Variants in ZMYND8 observed in about 807,000 individuals in gnomAD.
ZMYND8 encodes the protein MYND-type zinc finger-containing chromatin reader ZMYND8.
In ZMYND8, 37 loss-of-function variants were observed where a neutral mutation model predicts 140.8. That is an observed-to-expected ratio of 0.26 (90% confidence interval 0.20 to 0.35). ZMYND8 has a LOEUF of 0.35. ZMYND8 is among the 10% of genes least tolerant of loss of function. ZMYND8 has a pLI of 1.00. For synonymous variants in ZMYND8, 592 were observed against 597.1 expected, an observed-to-expected ratio of 0.99 and a Z score of 0.12; for missense variants, 1,068 against 1,570.0, an observed-to-expected ratio of 0.68 and a Z score of 5.40.
chr20:47,333,948 G>T (rs1376477727), intron 2 of ZMYND8, among the ~76,000 whole-genome samples: 1 of 151,340 alleles, frequency 6.6e-6, no homozygotes, highest in Non-Finnish European at 1.5e-5. Context: ...AAGGGAAGGA[G>T]GGAGGAATGA....
chr20:47,309,842 C>T (rs1444609685), intron 3 of ZMYND8, among the ~76,000 whole-genome samples: 1 of 152,102 alleles, frequency 6.6e-6, no homozygotes, highest in East Asian at 1.9e-4. Context: ...CATCTGGGTC[C>T]CTGCTCTGTC....
chr20:47,252,849 G>A (rs1026161770), intron 12 of ZMYND8, among the ~76,000 whole-genome samples: 2 of 152,156 alleles, frequency 1.3e-5, no homozygotes, highest in African/African-American at 4.8e-5. Flanking sequence ...AGCCCAGGAG[G>A]CAGAGGTTGC....
chr20:47,344,316 G>A (rs1318939065), intron 2 of ZMYND8, among the ~76,000 whole-genome samples: 1 of 152,110 alleles, frequency 6.6e-6, no homozygotes, highest in African/African-American at 2.4e-5. Flanking sequence ...TACCCTTGAT[G>A]TGATATGATG....
chr20:47,259,975 A>G (rs1021167764), intron 12 of ZMYND8, among the ~76,000 whole-genome samples: 2 of 152,094 alleles, frequency 1.3e-5, no homozygotes, highest in Non-Finnish European at 2.9e-5. Context: ...CAGCTGCCCT[A>G]TTGACCTCTC....
At chr20:47,218,390 C>T (rs1249280660) in intron 21 of ZMYND8, among the ~76,000 whole-genome samples, 2 of 152,328 alleles carry the variant, frequency 1.3e-5, no homozygotes, top group East Asian at 3.9e-4. Context: ...CCACTTGTGC[C>T]ATTTCGACAC....
intron 2 of ZMYND8, 83 bp from the exon 3 acceptor site, chr20:47,310,287 G>A: frequency 2.7e-6 from 4 of 1,499,552 alleles, no homozygotes; most frequent in Non-Finnish European, 3.6e-6. Context: ...GGAACCAAGT[G>A]TGGGAACAGA....
At chr20:47,346,323 G>A (rs768252196) in intron 2 of ZMYND8, among the ~76,000 whole-genome samples, 5 of 152,160 alleles carry the variant, frequency 3.3e-5, no homozygotes, top group African/African-American at 9.7e-5. Flanking sequence ...TACCTTCCTT[G>A]CTCTGAAGTC....
intron 14 of ZMYND8, among the ~76,000 whole-genome samples, chr20:47,243,429 T>C (rs1367350278): frequency 6.6e-6 from 1 of 152,238 alleles, no homozygotes; most frequent in Admixed American, 6.5e-5. Flanking sequence ...CTACTAAAGC[T>C]TCCTGGAGAA....
rs2082462740 is a variant in ZMYND8 at position 47,347,933 on chromosome 20, CAG to C, written c.15-9_15-8del. On this transcript the variant is annotated splice_region_variant and splice_polypyrimidine_tract_variant and intron_variant, in intron 1 of 22. Transcript: ENST00000471951. ...TATTTCCTCTTCAGCCAAGCTGAAA[CAG>C]AGCAAATTATGTTCATGTTTAGGAA... 2 of 1,613,536 alleles carry C rather than the reference CAG, an allele frequency of 1.2e-6. No individual in the cohort carries two copies. Among genetic ancestry groups the C allele is most frequent in the African/African-American group, 1.3e-5 (1 of 74,940 alleles).
chr20:47,345,128 C>T (rs2082234894), intron 2 of ZMYND8, among the ~76,000 whole-genome samples: 2 of 152,076 alleles, frequency 1.3e-5, no homozygotes, highest in Admixed American at 1.3e-4. Flanking sequence ...CTAGCCAGGA[C>T]AGTGCAGTGA....
intron 21 of ZMYND8, among the ~76,000 whole-genome samples, chr20:47,219,634 C>A (rs2036650975): frequency 2.0e-5 from 3 of 151,910 alleles, no homozygotes. Flanking sequence ...CTTCTCTGAA[C>A]CCTTCTGGAA....
chr20:47,331,853 C>G (rs1416898547), intron 2 of ZMYND8, among the ~76,000 whole-genome samples: 2 of 152,146 alleles, frequency 1.3e-5, no homozygotes, highest in Non-Finnish European at 2.9e-5. Flanking sequence ...TGTGGAAGGT[C>G]AGGGTGGAAG....
At chr20:47,348,152 TC>T in intron 1 of ZMYND8, 1 of 558,774 alleles carries the variant, frequency 1.8e-6, no homozygotes. Flanking sequence ...AAATTACTAT[TC>T]CAGTTGTCAT....
chr20:47,256,630 GA>G (rs2074753812), intron 12 of ZMYND8, among the ~76,000 whole-genome samples: 1 of 152,070 alleles, frequency 6.6e-6, no homozygotes, highest in Non-Finnish European at 1.5e-5. Flanking sequence ...AAAAAAGAGA[GA>G]GACCCTGGCA....
At chr20:47,294,877 G>T in intron 4 of ZMYND8, 98 bp from the exon 5 acceptor site, 1 of 1,122,558 alleles carries the variant, frequency 8.9e-7, no homozygotes, top group South Asian at 1.3e-5. Flanking sequence ...CAGACAAAAA[G>T]CAATTCTCAT....
At chr20:47,211,561 TAAGTG>T (rs2035259032) in intron 22 of ZMYND8, among the ~76,000 whole-genome samples, 1 of 151,918 alleles carries the variant, frequency 6.6e-6, no homozygotes, top group Non-Finnish European at 1.5e-5. Flanking sequence ...GAGTAAGAAA[TAAGTG>T]AAGAAGCTGA....
At chr20:47,296,111 T>G (rs1417159609) in intron 4 of ZMYND8, among the ~76,000 whole-genome samples, 1 of 152,188 alleles carries the variant, frequency 6.6e-6, no homozygotes, top group African/African-American at 2.4e-5. Context: ...CCCAGTTGAC[T>G]GCCGTAACAA....
intron 14 of ZMYND8, among the ~76,000 whole-genome samples, chr20:47,241,182 C>A (rs1253940151): frequency 6.6e-6 from 1 of 151,050 alleles, no homozygotes; most frequent in Non-Finnish European, 1.5e-5. Context: ...ATAATCCCAG[C>A]TACTTGGGAG....
chr20:47,338,907 T>C (rs1044787786), intron 2 of ZMYND8, among the ~76,000 whole-genome samples: 4 of 151,482 alleles, frequency 2.6e-5, no homozygotes, highest in Non-Finnish European at 5.9e-5. Flanking sequence ...GACTCCTAGA[T>C]GGAGAGAAGC....
Sources: gnomAD v4.1 joint callset for allele counts (sites outside exome capture counted in the v4.1 genomes callset) on GRCh38, gnomAD v4.1.1 for gene constraint, MANE v1.5 for transcripts, NCBI Gene and HGNC (gene_info 2026-07-23, HGNC 2026-07-21) for gene names.